Variants in DOCK4 observed in about 807,000 individuals in gnomAD.
The protein encoded by DOCK4 is dedicator of cytokinesis 4.
DOCK4 carries 97 observed loss-of-function variants against 268.1 expected under a neutral mutation model. The observed-to-expected ratio is 0.36, with a 90% CI of 0.31 to 0.43. The LOEUF is 0.43. DOCK4 is among the 20% of genes least tolerant of loss of function. The pLI, the probability that DOCK4 is intolerant of heterozygous loss-of-function variation, is 1.00. For missense variants in DOCK4, 2,145 were observed against 2,455.7 expected, an observed-to-expected ratio of 0.87 and a Z score of 2.67; for synonymous variants, 954 against 887.2, an observed-to-expected ratio of 1.08 and a Z score of -1.34.
intron 15 of DOCK4, among the ~76,000 whole-genome samples, chr7:111,899,170 A>G (rs1237564069): frequency 2.0e-5 from 3 of 152,358 alleles, no homozygotes; most frequent in South Asian, 2.1e-4. Flanking sequence ...ATAATGTATG[A>G]AGCTCTTGAG....
At chr7:112,126,343 T>C (rs1354900937) in intron 1 of DOCK4, among the ~76,000 whole-genome samples, 1 of 152,160 alleles carries the variant, frequency 6.6e-6, no homozygotes, top group Non-Finnish European at 1.5e-5. Flanking sequence ...ACATTAGAGA[T>C]GAAGGTAAAG....
intron 1 of DOCK4, among the ~76,000 whole-genome samples, chr7:112,125,145 C>T (rs1315955460): frequency 6.6e-6 from 1 of 152,126 alleles, no homozygotes; most frequent in Non-Finnish European, 1.5e-5. Flanking sequence ...AGTTTACTCT[C>T]AGGTAATTAT....
intron 1 of DOCK4, among the ~76,000 whole-genome samples, chr7:112,084,852 A>T (rs7808571): frequency 1.3e-5 from 2 of 151,958 alleles, no homozygotes; most frequent in Non-Finnish European, 2.9e-5. Flanking sequence ...TGTTTTCACC[A>T]TTATCACTTC....
At chr7:112,088,955 C>G (rs951579374) in intron 1 of DOCK4, among the ~76,000 whole-genome samples, 1 of 152,036 alleles carries the variant, frequency 6.6e-6, no homozygotes, top group Admixed American at 6.6e-5. Context: ...AATACGTTGT[C>G]AATGCTTGTT....
intron 2 of DOCK4, among the ~76,000 whole-genome samples, chr7:112,003,688 T>A (rs1370619419): frequency 2.0e-5 from 3 of 152,150 alleles, no homozygotes; most frequent in African/African-American, 7.2e-5. Flanking sequence ...CAACCTCAGG[T>A]AAGCCATGTC....
At chr7:112,182,185 T>C (rs2116706160) in intron 1 of DOCK4, among the ~76,000 whole-genome samples, 1 of 152,320 alleles carries the variant, frequency 6.6e-6, no homozygotes, top group East Asian at 1.9e-4. Context: ...AGAGTTGTTG[T>C]GACACCTGTA....
Position 111,933,299 on chromosome 7 carries a change from T to TATATATA in DOCK4, c.1066+2240_1066+2241insTATATAT, listed in dbSNP as rs1491402521. On this transcript the variant is annotated intron_variant, in intron 12 of 52. Transcript: ENST00000428084. The stretch of plus-strand genomic sequence containing the variant: ...ATATACATATATATATATATATATA[T>TATATATA]TTTTTTTTTTTTTTGAGATGGAGTC... 1.7e-3 allele frequency among the ~76,000 whole-genome samples: 120 copies of TATATATA among 71,124 alleles called. 5 individuals carry two copies. The highest frequency in any genetic ancestry group is 7.6e-3 in the African/African-American group (114 of 14,952). 46.7% of individuals were successfully genotyped at this position (71,124 alleles called of 152,430 possible).
chr7:112,083,205 G>C (rs1016947480), intron 1 of DOCK4, among the ~76,000 whole-genome samples: 1 of 151,980 alleles, frequency 6.6e-6, no homozygotes, highest in South Asian at 2.1e-4. Flanking sequence ...GGAATCAGTA[G>C]AATTTTTTAT....
intron 1 of DOCK4, among the ~76,000 whole-genome samples, chr7:112,200,736 A>AAAAAT (rs1241405271): frequency 8.4e-6 from 1 of 118,922 alleles, no homozygotes; most frequent in Non-Finnish European, 1.7e-5. Context: ...AAAAAAAAAA[A>AAAAAT]AACAAAAAAA....
chr7:111,740,396 T>G (rs916949789), intron 47 of DOCK4, among the ~76,000 whole-genome samples: 1 of 147,102 alleles, frequency 6.8e-6, no homozygotes, highest in African/African-American at 2.5e-5. Flanking sequence ...CCACTGCACC[T>G]AGCCAAATCA....
intron 1 of DOCK4, among the ~76,000 whole-genome samples, chr7:112,011,687 G>T (rs1346007871): frequency 7.0e-6 from 1 of 142,110 alleles, no homozygotes; most frequent in East Asian, 2.1e-4. Context: ...CTTCACCTTG[G>T]ATTTCATGTC....
chr7:111,734,981 A>G, intron 51 of DOCK4, 73 bp downstream of exon 51: 2 of 1,216,944 alleles, frequency 1.6e-6, no homozygotes, highest in Non-Finnish European at 2.4e-6. Context: ...TCTCTCAGGA[A>G]TTCAGGACAA....
chr7:111,736,566 G>A (rs147707094), intron 50 of DOCK4, among the ~76,000 whole-genome samples: 3 of 152,124 alleles, frequency 2.0e-5, no homozygotes, highest in Non-Finnish European at 4.4e-5. Flanking sequence ...TGGGACCACC[G>A]AATCGATCCG....
chr7:112,153,075 A>G (rs1320990486), intron 1 of DOCK4, among the ~76,000 whole-genome samples: 6 of 152,214 alleles, frequency 3.9e-5, no homozygotes, highest in African/African-American at 1.4e-4. Flanking sequence ...ATTATATCAT[A>G]GTCTTATATC....
At chr7:112,129,489 C>T (rs1813597045) in intron 1 of DOCK4, among the ~76,000 whole-genome samples, 2 of 151,966 alleles carry the variant, frequency 1.3e-5, no homozygotes, top group African/African-American at 2.4e-5. Context: ...GACTAAATTG[C>T]AATGAACTAC....
intron 1 of DOCK4, among the ~76,000 whole-genome samples, chr7:112,043,911 G>A (rs1243613149): frequency 6.6e-6 from 1 of 151,950 alleles, no homozygotes; most frequent in Non-Finnish European, 1.5e-5. Context: ...AAGACTTTCT[G>A]AAGATTTCCC....
At chr7:112,135,226 G>T (rs1010585136) in intron 1 of DOCK4, among the ~76,000 whole-genome samples, 3 of 152,018 alleles carry the variant, frequency 2.0e-5, no homozygotes, top group Non-Finnish European at 2.9e-5. Context: ...AAGGCTTATT[G>T]ATAAATATAG....
At chr7:112,134,819 G>A (rs1389403604) in intron 1 of DOCK4, among the ~76,000 whole-genome samples, 2 of 152,162 alleles carry the variant, frequency 1.3e-5, no homozygotes, top group Non-Finnish European at 2.9e-5. Flanking sequence ...GGGTTTCAAA[G>A]TGCCACAATG....
At chr7:112,028,582 G>C (rs968654471) in intron 1 of DOCK4, among the ~76,000 whole-genome samples, 1 of 152,186 alleles carries the variant, frequency 6.6e-6, no homozygotes, top group Non-Finnish European at 1.5e-5. Flanking sequence ...GTCTCTTTAA[G>C]AATTAGCAAG....
Sources: gnomAD v4.1 joint callset for allele counts (sites outside exome capture counted in the v4.1 genomes callset) on GRCh38, gnomAD v4.1.1 for gene constraint, MANE v1.5 for transcripts, NCBI Gene and HGNC (gene_info 2026-07-23, HGNC 2026-07-21) for gene names.